HPSE: variants seen among roughly 807,000 people sequenced by gnomAD.
HPSE encodes endo-glucoronidase.
HPSE carries 48 observed loss-of-function variants against 65.1 expected under a neutral mutation model. That is an observed-to-expected ratio of 0.74 (90% CI 0.58 to 0.94). The LOEUF (loss-of-function observed/expected upper bound fraction) is 0.94. Among genes scored for constraint, HPSE ranks in the 40% least tolerant of loss-of-function variants. The probability of loss-of-function intolerance (pLI) is 0.00; values close to 1 mark genes in which losing one functional copy is unlikely to be tolerated. For missense variants in HPSE, 644 were observed against 637.5 expected, an observed-to-expected ratio of 1.01 and a Z score of -0.11; for synonymous variants, 243 against 260.0, an observed-to-expected ratio of 0.93 and a Z score of 0.63.
At chr4:83,305,024 T>A (rs951206132) in intron 9 of HPSE, among the ~76,000 whole-genome samples, 1 of 152,180 alleles carries the variant, frequency 6.6e-6, no homozygotes, top group African/African-American at 2.4e-5. Flanking sequence ...AGGACTGTCA[T>A]GCAAATAAAA....
At chr4:83,313,358 T>A (rs956937317) in intron 3 of HPSE, 71 bp from the exon 4 acceptor site, 35 of 932,828 alleles carry the variant, frequency 3.8e-5, no homozygotes, top group Non-Finnish European at 5.6e-5. Context: ...TCGCTTTTCA[T>A]AATGAATAAC....
chr4:83,300,975 T>A lies in HPSE; in HGVS notation c.1457A>T (p.His486Leu). The change falls in exon 11 of 12, where the codon CAT becomes CTT. Residue 486 changes from histidine (H) to leucine (L), a missense_variant. Coordinates refer to ENST00000311412, the MANE Select transcript of HPSE (RefSeq NM_001098540.3). ...DKYLLRPLGPHGLLSKSVQLN... is the reference protein window; with the variant it reads ...DKYLLRPLGPLGLLSKSVQLN... ...AATTACTTACTTGGAAAGTAATCCA[T>A]GAGGTCCCAAAGGTCTTAGAAGGTA... The A allele has an allele frequency of 6.3e-7, 1 of 1,589,936 alleles. No individual in the cohort carries two copies. The highest frequency in any genetic ancestry group is 8.5e-7 in the Non-Finnish European group (1 of 1,169,850).
intron 9 of HPSE, among the ~76,000 whole-genome samples, chr4:83,304,425 G>A (rs1390601658): frequency 1.3e-5 from 2 of 152,168 alleles, no homozygotes; most frequent in African/African-American, 2.4e-5. Flanking sequence ...TTATGCCAAA[G>A]TGGCATATTT....
intron 1 of HPSE, among the ~76,000 whole-genome samples, chr4:83,331,761 T>C (rs575754080): frequency 6.6e-6 from 1 of 152,336 alleles, no homozygotes; most frequent in South Asian, 2.1e-4. Context: ...TGGGCCCTGA[T>C]ACTGTTACTC....
At chr4:83,298,687 G>A (rs1560503042) in intron 11 of HPSE, among the ~76,000 whole-genome samples, 1 of 152,006 alleles carries the variant, frequency 6.6e-6, no homozygotes, top group African/African-American at 2.4e-5. Flanking sequence ...AATTAGCCAG[G>A]TGTGGTAGCA....
chr4:83,334,750 C>T lies in HPSE; in HGVS notation c.33G>A (p.Pro11=). The T allele has an allele frequency of 1.9e-6, 3 of 1,553,608 alleles. No individual in the cohort carries two copies. Among genetic ancestry groups the T allele is most frequent in the Non-Finnish European group, 2.6e-6 (3 of 1,148,668 alleles). MLLRSKPALP[P]PLMLLLLGPL... Reference sequence around the variant, plus strand: ...GCCCCAGGAGCAGCAGCATCAGCGGCGGCGGCAGCGCAGGCTTCGAGCGCA... The same window carrying T: ...GCCCCAGGAGCAGCAGCATCAGCGGTGGCGGCAGCGCAGGCTTCGAGCGCA... The change falls in exon 1 of 12, where the codon CCG becomes CCA. Residue 11 remains proline, a synonymous_variant. Coordinates refer to ENST00000311412, the MANE Select transcript of HPSE (RefSeq NM_001098540.3).
chr4:83,307,868 G>GA (rs1308881408), intron 8 of HPSE, among the ~76,000 whole-genome samples: 1 of 152,174 alleles, frequency 6.6e-6, no homozygotes, highest in African/African-American at 2.4e-5. Flanking sequence ...TAGCAGTATA[G>GA]ATTAAAAGCA....
At chr4:83,302,073 C>T in intron 10 of HPSE, 77 bp downstream of exon 10, 4 of 867,488 alleles carry the variant, frequency 4.6e-6, no homozygotes, top group South Asian at 4.4e-5. Context: ...TAGACACATG[C>T]AACAGGGTGT....
chr4:83,298,934 C>T (rs2126182166), intron 11 of HPSE, among the ~76,000 whole-genome samples: 1 of 152,098 alleles, frequency 6.6e-6, no homozygotes, highest in East Asian at 1.9e-4. Context: ...AAAAACTTAT[C>T]TAGGATACTA....
At chr4:83,332,710 G>T (rs1737430977) in intron 1 of HPSE, among the ~76,000 whole-genome samples, 1 of 152,210 alleles carries the variant, frequency 6.6e-6, no homozygotes, top group Admixed American at 6.5e-5. Flanking sequence ...TTAGTCAATT[G>T]CGGGGAGCTT....
At position 83,322,285 on chromosome 4, in the gene HPSE, T is replaced by G; in HGVS notation, c.307A>C (p.Ile103Leu). Residue 103 changes from isoleucine (I) to leucine (L), a missense_variant, in exon 2 of 12, where the codon ATT (isoleucine) becomes CTT (leucine). Coordinates refer to ENST00000311412, the MANE Select transcript of HPSE (RefSeq NM_001098540.3). ...RFGGTKTDFLIFDPKKESTFE... is the reference protein window; with the variant it reads ...RFGGTKTDFLLFDPKKESTFE... ...GTTGATTCCTTCTTGGGATCGAAAATTAGGAAGTCTGTCTTGGTGCCACCA... is the reference window on the plus strand; with the variant it reads ...GTTGATTCCTTCTTGGGATCGAAAAGTAGGAAGTCTGTCTTGGTGCCACCA... The G allele has an allele frequency of 6.2e-7, 1 of 1,613,896 alleles. No individual in the cohort carries two copies. The highest frequency in any genetic ancestry group is 8.5e-7 in the Non-Finnish European group (1 of 1,179,846).
At chr4:83,332,977 C>T (rs779332161) in intron 1 of HPSE, among the ~76,000 whole-genome samples, 1 of 152,088 alleles carries the variant, frequency 6.6e-6, no homozygotes, top group South Asian at 2.1e-4. Context: ...ATCTGGAGCC[C>T]TATGGTTCAG....
chr4:83,308,952 C>T lies in HPSE; in HGVS notation c.985-1G>A. 6.2e-7 allele frequency: 1 copy of T among 1,613,338 alleles called. No individual in the cohort carries two copies. The highest frequency in any genetic ancestry group is 8.5e-7 in the Non-Finnish European group (1 of 1,179,320). On this transcript the variant is annotated splice_acceptor_variant, in intron 7 of 11. Coordinates refer to ENST00000311412, the MANE Select transcript of HPSE (RefSeq NM_001098540.3). LOFTEE classifies it high-confidence loss of function. ...TGCCAGGCCTGGTGCTCTCAACCAC[C>T]TATAGAACAGAAAAGTATCCATGGT...
rs1339590094 is a variant in HPSE at position 83,293,633 on chromosome 4, T to TA, written c.*1710dup. The TA allele has an allele frequency of 6.6e-6, 1 of 152,248 alleles. No homozygotes were observed. The highest frequency in any genetic ancestry group is 1.9e-4 in the East Asian group (1 of 5,206). The allele number at this position is 152,248 out of a possible 1,614,324, so 9.4% of individuals were successfully genotyped here. ...AGAAAGGTAGAGAAAAAGCAAGCAT[T>TA]AACAGACAGTTATAAGGTATTGGGT... On this transcript the variant is annotated 3_prime_UTR_variant, in exon 12 of 12. Transcript: ENST00000311412.
chr4:83,333,888 A>C (rs1400640220), intron 1 of HPSE, among the ~76,000 whole-genome samples: 2 of 152,242 alleles, frequency 1.3e-5, no homozygotes. Flanking sequence ...AAAGAAAAGA[A>C]AGAGAAATCT....
intron 3 of HPSE, among the ~76,000 whole-genome samples, chr4:83,313,724 T>A (rs1448814876): frequency 3.3e-5 from 5 of 152,174 alleles, no homozygotes; most frequent in African/African-American, 9.6e-5. Flanking sequence ...TTTAAAAAAA[T>A]TCCTGTTATG....
chr4:83,334,682 T>G lies in HPSE; in HGVS notation c.101A>C (p.Gln34Pro), dbSNP rs1270556382. ...GTCCAGGTCCACGACGTCCTGTGCT[T>G]GCGCAGGTCGGGGCAGGGCGCCAGG... ...LSPGALPRPA[Q>P]AQDVVDLDFF... Residue 34 changes from glutamine to proline, a missense_variant, in exon 1 of 12, where the codon CAA becomes CCA. Physicochemically the swap from Gln to Pro is moderately conservative, Grantham distance 76. Coordinates refer to ENST00000311412, the MANE Select transcript of HPSE (RefSeq NM_001098540.3). 14 of 1,573,786 alleles carry G rather than the reference T, an allele frequency of 8.9e-6. No homozygotes were observed. Among genetic ancestry groups the G allele is most frequent in the Non-Finnish European group, 1.2e-5 (14 of 1,159,578 alleles).
chr4:83,299,561 T>TTGTC (rs1431530580), intron 11 of HPSE, among the ~76,000 whole-genome samples: 1 of 152,012 alleles, frequency 6.6e-6, no homozygotes, highest in Non-Finnish European at 1.5e-5. Context: ...TAAATAATGT[T>TTGTC]TGTCTGTGGG....
intron 1 of HPSE, among the ~76,000 whole-genome samples, chr4:83,325,654 C>T (rs561950319): frequency 4.6e-5 from 7 of 152,024 alleles, no homozygotes; most frequent in Non-Finnish European, 8.8e-5. Flanking sequence ...GTGATAGATA[C>T]GAACAAGTAA....
Sources: allele counts gnomAD v4.1 joint callset (sites outside exome capture counted in the v4.1 genomes callset), GRCh38; gene constraint gnomAD v4.1.1; transcripts MANE v1.5; gene names NCBI Gene and HGNC (gene_info 2026-07-23, HGNC 2026-07-21).